CRYBG1: variants seen among roughly 807,000 people sequenced by gnomAD.
CRYBG1 encodes the protein beta/gamma crystallin domain-containing protein 1.
CRYBG1 carries 139 observed loss-of-function variants against 189.2 expected under a neutral mutation model. That is an observed-to-expected ratio of 0.73 (90% confidence interval 0.64 to 0.85). The LOEUF is 0.85. Among genes scored for constraint, CRYBG1 ranks in the 40% least tolerant of loss-of-function variants. The probability of loss-of-function intolerance (pLI) is 0.00; values close to 1 mark genes in which losing one functional copy is unlikely to be tolerated. For synonymous variants in CRYBG1, 1,023 were observed against 1,017.1 expected (o/e 1.01, Z -0.11); for missense variants, 2,611 against 2,675.8 (o/e 0.98, Z 0.53).
intron 2 of CRYBG1, among the ~76,000 whole-genome samples, chr6:106,470,157 G>T (rs1772201454): frequency 6.6e-6 from 1 of 152,128 alleles, no homozygotes; most frequent in African/African-American, 2.4e-5. Context: ...ACACCCAGAA[G>T]AATTTAAAAT....
chr6:106,511,374 A>T, intron 2 of CRYBG1, 56 bp from the exon 3 acceptor site: 1 of 1,424,174 alleles, frequency 7.0e-7, no homozygotes, highest in Non-Finnish European at 9.3e-7. Flanking sequence ...ATGTACGTCT[A>T]AGGGGAAAAA....
chr6:106,500,335 T>G (rs1772975592), intron 2 of CRYBG1, among the ~76,000 whole-genome samples: 1 of 152,082 alleles, frequency 6.6e-6, no homozygotes. Context: ...TTCACCTTTT[T>G]GATCACAGCC....
chr6:106,438,848 T>C (rs1771516600), intron 1 of CRYBG1, among the ~76,000 whole-genome samples: 2 of 152,204 alleles, frequency 1.3e-5, no homozygotes, highest in Non-Finnish European at 2.9e-5. Context: ...TGCAGTTATG[T>C]GATTTTCTCA....
At chr6:106,505,722 AT>A (rs34498308) in intron 2 of CRYBG1, among the ~76,000 whole-genome samples, 56 of 147,514 alleles carry the variant, frequency 3.8e-4, no homozygotes, top group Admixed American at 6.8e-4. Context: ...AACTCATGCT[AT>A]TTTTTTTTTT....
intron 1 of CRYBG1, among the ~76,000 whole-genome samples, chr6:106,370,592 C>G (rs1476455282): frequency 6.6e-6 from 1 of 152,172 alleles, no homozygotes; most frequent in East Asian, 1.9e-4. Flanking sequence ...TAAACCATTG[C>G]TGATACTTTA....
At chr6:106,405,855 A>G (rs917997130) in intron 1 of CRYBG1, among the ~76,000 whole-genome samples, 5 of 152,212 alleles carry the variant, frequency 3.3e-5, no homozygotes, top group African/African-American at 9.6e-5. Context: ...ATGTCCACAC[A>G]AAAACCCCAT....
At chr6:106,492,746 A>G (rs548128889) in intron 2 of CRYBG1, among the ~76,000 whole-genome samples, 1 of 152,272 alleles carries the variant, frequency 6.6e-6, no homozygotes, top group Admixed American at 6.5e-5. Flanking sequence ...GTCTTCACAT[A>G]TCCATCCTTC....
At chr6:106,560,680 C>T (rs1417814168) in intron 18 of CRYBG1, 123 bp from the exon 19 acceptor site, 1 of 1,162,532 alleles carries the variant, frequency 8.6e-7, no homozygotes, top group African/African-American at 1.6e-5. Flanking sequence ...GATCATTTTT[C>T]CCCCAATGTA....
chr6:106,366,522 C>T (rs2114291237), intron 1 of CRYBG1, among the ~76,000 whole-genome samples: 1 of 152,296 alleles, frequency 6.6e-6, no homozygotes. Context: ...AGCCTAGTAC[C>T]TGGCAGATAA....
intron 1 of CRYBG1, among the ~76,000 whole-genome samples, chr6:106,424,427 A>G (rs2114393938): frequency 6.6e-6 from 1 of 152,304 alleles, no homozygotes; most frequent in East Asian, 1.9e-4. Context: ...CTGGAGGACC[A>G]ACCCCAGAAG....
chr6:106,410,465 G>A (rs898487898), intron 1 of CRYBG1, among the ~76,000 whole-genome samples: 1 of 152,188 alleles, frequency 6.6e-6, no homozygotes, highest in Non-Finnish European at 1.5e-5. Context: ...AGACAGTATG[G>A]TGATTCCTCA....
intron 11 of CRYBG1, among the ~76,000 whole-genome samples, 199 bp from the exon 12 acceptor site, chr6:106,544,372 C>T (rs960351982): frequency 6.6e-6 from 1 of 152,070 alleles, no homozygotes; most frequent in Non-Finnish European, 1.5e-5. Flanking sequence ...TTTTATACAA[C>T]TCTGATATAT....
In CRYBG1 at chr6:106,544,602, G is replaced by T. The variant is rs376513972; in HGVS notation, c.5071G>T (p.Gly1691Cys). The T allele has an allele frequency of 6.2e-7, 1 of 1,613,664 alleles. No homozygotes were observed. Among genetic ancestry groups the T allele is most frequent in the Non-Finnish European group, 8.5e-7 (1 of 1,179,836 alleles). The change falls in exon 12 of 22, where the codon GGT becomes TGT. Residue 1691 changes from glycine (G) to cysteine (C), a missense_variant. Physicochemically the swap from Gly to Cys is radical, Grantham distance 159 (BLOSUM62 -3). Transcript: ENST00000633556. ...TGCATATGAGAAACCTGGATTTACC[G>T]GTCATCAGTATTTGCTAGAAGAAGG... ...WVAYEKPGFT[G>C]HQYLLEEGEY... is the part of the protein sequence containing the mutation.
intron 21 of CRYBG1, among the ~76,000 whole-genome samples, chr6:106,567,482 A>G (rs561214380): frequency 1.6e-4 from 24 of 152,290 alleles, no homozygotes; most frequent in Middle Eastern, 3.4e-3. Context: ...CCTTTTTCAT[A>G]TTTTGTAAAT....
intron 1 of CRYBG1, among the ~76,000 whole-genome samples, chr6:106,377,146 C>T (rs1036061711): frequency 1.3e-5 from 2 of 152,102 alleles, no homozygotes; most frequent in South Asian, 2.1e-4. Context: ...CCTGGGCTTT[C>T]GTGACTATTT....
At position 106,511,665 on chromosome 6, in the gene CRYBG1, AG is replaced by A; in HGVS notation, c.551del (p.Gly184AlafsTer52). 1 of 1,535,694 alleles carries A rather than the reference AG, an allele frequency of 6.5e-7. No individual in the cohort carries two copies. Among genetic ancestry groups the A allele is most frequent in the Non-Finnish European group, 8.7e-7 (1 of 1,146,648 alleles). On this transcript the variant is annotated frameshift_variant, in exon 3 of 22. Coordinates refer to ENST00000633556, the MANE Select transcript of CRYBG1 (RefSeq NM_001371242.2). LOFTEE classifies it high-confidence loss of function. ...CTGAAGCAAACGGACACAAGCGAGG[AG>A]GGCTCCCCGCGGGAGAATCCCCGAG... ...SQLKQTDTSE[E>X]GSPRENPREA...
At chr6:106,364,327 CA>C (rs1302798375) in intron 1 of CRYBG1, among the ~76,000 whole-genome samples, 1 of 92,842 alleles carries the variant, frequency 1.1e-5, no homozygotes, top group African/African-American at 3.8e-5. Flanking sequence ...AACTCCATCT[CA>C]AAAAATAAAA....
intron 1 of CRYBG1, chr6:106,451,464 T>G (rs1270126712): frequency 2.9e-6 from 1 of 344,496 alleles, no homozygotes; most frequent in African/African-American, 2.1e-5. Context: ...GTTTTCTGCA[T>G]AGGATTTAAA....
intron 1 of CRYBG1, among the ~76,000 whole-genome samples, chr6:106,373,901 T>C (rs1770094784): frequency 6.6e-6 from 1 of 152,216 alleles, no homozygotes; most frequent in South Asian, 2.1e-4. Flanking sequence ...CCAGTGATAA[T>C]GGTAATTGAA....
Sources: gnomAD v4.1 joint callset for allele counts (sites outside exome capture counted in the v4.1 genomes callset) on GRCh38, gnomAD v4.1.1 for gene constraint, MANE v1.5 for transcripts, NCBI Gene and HGNC (gene_info 2026-07-23, HGNC 2026-07-21) for gene names.